DLG2: variants seen among roughly 807,000 people sequenced by gnomAD.
DLG2 encodes the protein discs large MAGUK scaffold protein 2.
A neutral mutation model predicts 132.5 loss-of-function variants in DLG2; 45 were observed. The ratio of observed to expected loss-of-function variants is 0.34; its 90% CI spans 0.27 to 0.44. The LOEUF (loss-of-function observed/expected upper bound fraction) is 0.44. Among genes scored for constraint, DLG2 ranks in the 20% least tolerant of loss-of-function variants. DLG2 has a pLI of 1.00. For synonymous variants in DLG2, 424 were observed against 419.6 expected, an observed-to-expected ratio of 1.01 and a Z score of -0.13; for missense variants, 1,045 against 1,196.9, an observed-to-expected ratio of 0.87 and a Z score of 1.87.
intron 19 of DLG2, among the ~76,000 whole-genome samples, chr11:83,598,148 G>C (rs2057934519): frequency 6.6e-6 from 1 of 152,196 alleles, no homozygotes; most frequent in Non-Finnish European, 1.5e-5. Flanking sequence ...TTTTGCATGG[G>C]CAAGATGGCA....
intron 18 of DLG2, among the ~76,000 whole-genome samples, chr11:83,639,636 T>G (rs1222621811): frequency 1.3e-5 from 2 of 151,844 alleles, no homozygotes; most frequent in Non-Finnish European, 2.9e-5. Flanking sequence ...AGGGATGGCA[T>G]TAGGAGATAT....
intron 21 of DLG2, among the ~76,000 whole-genome samples, chr11:83,504,003 A>G (rs888227694): frequency 2.0e-5 from 3 of 152,230 alleles, no homozygotes; most frequent in Non-Finnish European, 2.9e-5. Context: ...CCCAAATACT[A>G]TTAAAGTTAA....
intron 3 of DLG2, among the ~76,000 whole-genome samples, chr11:85,522,395 G>A (rs1449995929): frequency 6.6e-6 from 1 of 152,234 alleles, no homozygotes; most frequent in Non-Finnish European, 1.5e-5. Flanking sequence ...GAGAATCTCT[G>A]CTAGGGCAGT....
intron 19 of DLG2, among the ~76,000 whole-genome samples, chr11:83,554,964 C>G (rs2096486192): frequency 6.6e-6 from 1 of 152,172 alleles, no homozygotes. Context: ...AATTTAGAGA[C>G]AAAACAGATG....
intron 15 of DLG2, among the ~76,000 whole-genome samples, chr11:83,911,948 C>T (rs1192736716): frequency 2.6e-5 from 4 of 151,198 alleles, no homozygotes; most frequent in Non-Finnish European, 5.9e-5. Flanking sequence ...TTAATTCCTA[C>T]CCCAAAGGTT....
chr11:84,732,834 C>A (rs926483105), intron 6 of DLG2, among the ~76,000 whole-genome samples: 1 of 147,104 alleles, frequency 6.8e-6, no homozygotes, highest in African/African-American at 2.5e-5. Context: ...TGTTCCCCTT[C>A]CTGTGTCCAA....
At chr11:84,590,810 G>A (rs1161646818) in intron 6 of DLG2, among the ~76,000 whole-genome samples, 11 of 152,104 alleles carry the variant, frequency 7.2e-5, no homozygotes, top group Non-Finnish European at 1.3e-4. Context: ...TTTTGAAGGA[G>A]GATATTGATA....
chr11:84,508,061 A>G (rs577840854), intron 7 of DLG2, among the ~76,000 whole-genome samples: 5 of 152,324 alleles, frequency 3.3e-5, no homozygotes, highest in Admixed American at 2.6e-4. Flanking sequence ...AATATAAATC[A>G]CATCATTTTC....
chr11:84,090,219 G>A (rs1163232660), intron 10 of DLG2, among the ~76,000 whole-genome samples: 2 of 151,980 alleles, frequency 1.3e-5, no homozygotes, highest in Non-Finnish European at 2.9e-5. Context: ...TTCAAGACCA[G>A]CCTGGCCAAC....
At chr11:85,337,785 C>T (rs2082231541) in intron 3 of DLG2, among the ~76,000 whole-genome samples, 1 of 152,132 alleles carries the variant, frequency 6.6e-6, no homozygotes, top group African/African-American at 2.4e-5. Context: ...GCCTAATGAC[C>T]CTTTTCTCAA....
intron 18 of DLG2, among the ~76,000 whole-genome samples, chr11:83,695,321 C>T (rs2081699168): frequency 6.6e-6 from 1 of 152,208 alleles, no homozygotes; most frequent in African/African-American, 2.4e-5. Flanking sequence ...GATTCACAAA[C>T]TAAGTGAAAG....
rs563451605 is a variant in DLG2, at chr11:83,923,832, C to T, written c.1496+6496G>A. On this transcript the variant is annotated intron_variant, in intron 15 of 27. Coordinates refer to ENST00000376104, the MANE Select transcript of DLG2 (RefSeq NM_001142699.3). Reference sequence around the variant, plus strand: ...TTTCCCACACAGGTGGCAGAGTGATCTTTTTAAAAATGCAAAGCAGCTTGT... The same window carrying T: ...TTTCCCACACAGGTGGCAGAGTGATTTTTTTAAAAATGCAAAGCAGCTTGT... 2.7e-4 allele frequency among the ~76,000 whole-genome samples: 41 copies of T among 152,256 alleles called. 1 individual carries two copies. Among genetic ancestry groups the T allele is most frequent in the Non-Finnish European group, 8.8e-5 (6 of 68,002 alleles).
At chr11:83,561,075 G>A (rs561597526) in intron 19 of DLG2, among the ~76,000 whole-genome samples, 9 of 152,258 alleles carry the variant, frequency 5.9e-5, no homozygotes, top group African/African-American at 2.2e-4. Context: ...AAGGCGTTGG[G>A]GAAGGTGCCA....
rs1204172200 is a variant in DLG2 at position 84,402,754 on chromosome 11, C to A, written c.519+131816G>T. Among the ~76,000 whole-genome samples the A allele has an allele frequency of 3.3e-5, 5 of 151,674 alleles. No homozygotes were observed. In the South Asian group the frequency reaches 1.0e-3, roughly 32 times the overall value. On this transcript the variant is annotated intron_variant, in intron 7 of 27. Coordinates refer to ENST00000376104, the MANE Select transcript of DLG2 (RefSeq NM_001142699.3). Reference sequence around the variant, plus strand: ...GAAATTAGCCCAGTGAGGTGGCGGGCGCCTGTAGTCTCAGCTACTCGGGAG... The same window carrying A: ...GAAATTAGCCCAGTGAGGTGGCGGGAGCCTGTAGTCTCAGCTACTCGGGAG...
At chr11:84,357,216 T>C (rs147345679) in intron 7 of DLG2, among the ~76,000 whole-genome samples, 226 of 152,166 alleles carry the variant, frequency 1.5e-3, no homozygotes, top group Middle Eastern at 3.4e-3. Context: ...TACAGAGGGA[T>C]AGAAGACATA....
chr11:83,901,539 T>C (rs2073429460), intron 15 of DLG2, among the ~76,000 whole-genome samples: 1 of 152,210 alleles, frequency 6.6e-6, no homozygotes, highest in Non-Finnish European at 1.5e-5. Context: ...GTACAAGCTC[T>C]CTCTTCTCTT....
At chr11:84,977,635 T>C (rs2055095395) in intron 6 of DLG2, among the ~76,000 whole-genome samples, 2 of 152,186 alleles carry the variant, frequency 1.3e-5, no homozygotes, top group African/African-American at 4.8e-5. Flanking sequence ...CCTTTTCTCA[T>C]GCACATATGG....
intron 6 of DLG2, among the ~76,000 whole-genome samples, chr11:84,791,168 C>T (rs143801773): frequency 2.3e-4 from 35 of 152,184 alleles, no homozygotes; most frequent in Admixed American, 2.6e-4. Context: ...ACTCACTATC[C>T]GGATAACAGC....
chr11:85,414,328 A>G (rs779635226), intron 3 of DLG2, among the ~76,000 whole-genome samples: 3 of 152,164 alleles, frequency 2.0e-5, no homozygotes, highest in Non-Finnish European at 4.4e-5. Context: ...TAAGTAAACA[A>G]TCACATCATC....
Sources: gnomAD v4.1 joint callset for allele counts (sites outside exome capture counted in the v4.1 genomes callset) on GRCh38, gnomAD v4.1.1 for gene constraint, MANE v1.5 for transcripts, NCBI Gene and HGNC (gene_info 2026-07-23, HGNC 2026-07-21) for gene names.